BIRC7: variants seen among roughly 807,000 people sequenced by gnomAD.
BIRC7 encodes the protein baculoviral IAP repeat-containing protein 7.
BIRC7 carries 26 observed loss-of-function variants against 33.2 expected under a neutral mutation model. That is an observed-to-expected ratio of 0.78 (90% CI 0.57 to 1.09). The LOEUF (loss-of-function observed/expected upper bound fraction) is 1.09. Ranked by LOEUF, BIRC7 falls within the 50% of genes least tolerant of loss-of-function variation. The pLI, the probability that BIRC7 is intolerant of heterozygous loss-of-function variation, is 0.00. For synonymous variants in BIRC7, 176 were observed against 171.0 expected, an observed-to-expected ratio of 1.03 and a Z score of -0.23; for missense variants, 409 against 401.2, an observed-to-expected ratio of 1.02 and a Z score of -0.17.
intron 1 of BIRC7, among the ~76,000 whole-genome samples, chr20:63,237,372 T>C (rs946532828): frequency 6.6e-6 from 1 of 152,154 alleles, no homozygotes; most frequent in African/African-American, 2.4e-5. Flanking sequence ...GTGATGTCAG[T>C]GGCAGGTGAC....
chr20:63,237,779 C>G lies in BIRC7; in HGVS notation c.350-124C>G, dbSNP rs368266155. 1,185 of 746,992 alleles carry G rather than the reference C, an allele frequency of 1.6e-3. 24 individuals carry two copies. The South Asian group carries it at 0.025, about 15-fold the overall frequency. The allele number at this position is 746,992 out of a possible 1,614,324, so 46.3% of individuals were successfully genotyped here. On this transcript the variant is annotated intron_variant, in intron 1 of 6. Coordinates refer to ENST00000217169, the MANE Select transcript of BIRC7 (RefSeq NM_139317.3). ...CCCCCACCAAGCCCCCTGCCCACCCCCTCCTCCTTCTTGCCACCTGGGAGC... is the reference window on the plus strand; with the variant it reads ...CCCCCACCAAGCCCCCTGCCCACCCGCTCCTCCTTCTTGCCACCTGGGAGC...
chr20:63,238,804 TCCCCCAG>T, intron 4 of BIRC7, 190 bp downstream of exon 4: 1 of 763,662 alleles, frequency 1.3e-6, no homozygotes, highest in Non-Finnish European at 2.1e-6. Context: ...GGCAGGGGCC[TCCCCCAG>T]TGCCAGGCCC....
At chr20:63,237,829 G>T (rs1348564794) in intron 1 of BIRC7, 74 bp from the exon 2 acceptor site, 2 of 1,337,568 alleles carry the variant, frequency 1.5e-6, no homozygotes, top group Non-Finnish European at 2.0e-6. Context: ...AGCTCTCATA[G>T]CCTTGGAAGG....
chr20:63,239,861 G>A (rs146184351), intron 6 of BIRC7, among the ~76,000 whole-genome samples: 188 of 152,334 alleles, frequency 1.2e-3, no homozygotes, highest in African/African-American at 4.2e-3. Context: ...ATTAACTGAC[G>A]CCTGCTGGCT....
chr20:63,240,064 C>A (rs569419690), intron 6 of BIRC7, among the ~76,000 whole-genome samples, 192 bp from the exon 7 acceptor site: 8 of 152,328 alleles, frequency 5.3e-5, no homozygotes, highest in Admixed American at 3.9e-4. Flanking sequence ...GGTGGGATAC[C>A]CCATACTGGC....
intron 4 of BIRC7, 37 bp downstream of exon 4, chr20:63,238,651 G>A (rs762309805): frequency 1.2e-5 from 20 of 1,609,446 alleles, no homozygotes; most frequent in Admixed American, 6.7e-5. Context: ...CTCCTTGTGC[G>A]CCTGCAGCCT....
chr20:63,238,199 G>T, intron 2 of BIRC7, 197 bp downstream of exon 2: 1 of 859,120 alleles, frequency 1.2e-6, no homozygotes, highest in Non-Finnish European at 1.8e-6. Context: ...AGGGCTGCTG[G>T]GGGCAGAAAT....
chr20:63,239,822 T>C lies in BIRC7; in HGVS notation c.*5+212T>C, dbSNP rs573990649. On this transcript the variant is annotated intron_variant, in intron 6 of 6. Coordinates refer to ENST00000217169, the MANE Select transcript of BIRC7 (RefSeq NM_139317.3). ...GCCTGGTCCTTCGGGCACCGTGCCC[T>C]GGCGGCCACCATAGCTCTGCCTGCC... 1.2e-4 allele frequency among the ~76,000 whole-genome samples: 18 copies of C among 152,336 alleles called. No individual in the cohort carries two copies. In the South Asian group the frequency reaches 3.7e-3, roughly 32 times the overall value.
At chr20:63,237,864 G>T (rs1335322508) in intron 1 of BIRC7, 39 bp from the exon 2 acceptor site, 1 of 1,554,302 alleles carries the variant, frequency 6.4e-7, no homozygotes, top group Non-Finnish European at 8.7e-7. Context: ...CGGGGACTGG[G>T]TGGGACTTGG....
At chr20:63,236,846 C>G (rs1046306366) in intron 1 of BIRC7, among the ~76,000 whole-genome samples, 3 of 152,230 alleles carry the variant, frequency 2.0e-5, no homozygotes, top group East Asian at 1.9e-4. Context: ...ATCAGGGTGA[C>G]CAAGGCAGGC....
Position 63,239,549 on chromosome 20 carries a change from C to T in BIRC7, c.841C>T (p.Leu281=), listed in dbSNP as rs368399265. The T allele has an allele frequency of 6.2e-7, 1 of 1,603,512 alleles. No homozygotes were observed. The highest frequency in any genetic ancestry group is 8.5e-7 in the Non-Finnish European group (1 of 1,179,698). ...VCAECAPGLQ[L]CPICRAPVRS... ...TGCTGAGTGTGCCCCCGGCCTGCAGCTGTGCCCCATCTGCAGAGCCCCCGT... is the reference window on the plus strand; with the variant it reads ...TGCTGAGTGTGCCCCCGGCCTGCAGTTGTGCCCCATCTGCAGAGCCCCCGT... The change falls in exon 6 of 7, where the codon CTG becomes TTG. Residue 281 remains leucine, a synonymous_variant. Transcript: ENST00000217169.
intron 6 of BIRC7, 125 bp from the exon 7 acceptor site, chr20:63,240,131 C>CG (rs1262853345): frequency 1.9e-4 from 31 of 159,196 alleles, no homozygotes; most frequent in Middle Eastern, 3.3e-3. Context: ...TAGTTACCCC[C>CG]GGGATGTGTC....
In BIRC7 at chr20:63,236,288, G is replaced by C; in HGVS notation, c.192G>C (p.Glu64Asp). The C allele has an allele frequency of 6.2e-7, 1 of 1,611,368 alleles. No individual in the cohort carries two copies. The highest frequency in any genetic ancestry group is 8.5e-7 in the Non-Finnish European group (1 of 1,179,300). Residue 64 changes from glutamate (E) to aspartate (D), a missense_variant, in exon 1 of 7, where the codon GAG (glutamate) becomes GAC (aspartate). Physicochemically the swap from Glu to Asp is conservative, Grantham distance 45 (BLOSUM62 2). Coordinates refer to ENST00000217169, the MANE Select transcript of BIRC7 (RefSeq NM_139317.3). Reference sequence around the variant, plus strand: ...TGGGCCAGCTGCGGCCCCTGACAGAGGAGGAAGAGGAGGAGGGCGCCGGGG... The same window carrying C: ...TGGGCCAGCTGCGGCCCCTGACAGACGAGGAAGAGGAGGAGGGCGCCGGGG... Reference protein sequence around the residue: ...QILGQLRPLTEEEEEEGAGAT... With the variant: ...QILGQLRPLTDEEEEEGAGAT...
rs764755969 is a variant in BIRC7, at chr20:63,238,575, T to A, written c.538T>A (p.Trp180Arg). 6.2e-7 allele frequency: 1 copy of A among 1,613,066 alleles called. No homozygotes were observed. The highest frequency in any genetic ancestry group is 1.1e-5 in the South Asian group (1 of 91,080). ...HSQLLGSWDP[W>R]EEPEDAAPVA... ...GGTCTCTGGCTCCTTCCAGGACCCGTGGGAAGAACCGGAAGACGCAGCCCC... is the reference window on the plus strand; with the variant it reads ...GGTCTCTGGCTCCTTCCAGGACCCGAGGGAAGAACCGGAAGACGCAGCCCC... Residue 180 changes from tryptophan to arginine, a missense_variant, in exon 4 of 7, where the codon TGG (tryptophan) becomes AGG (arginine). Trp to Arg is a moderately radical substitution (Grantham distance 101). Transcript: ENST00000217169.
chr20:63,237,796 C>A, intron 1 of BIRC7, 107 bp from the exon 2 acceptor site: 1 of 945,886 alleles, frequency 1.1e-6, no homozygotes. Flanking sequence ...CTTCTTGCCA[C>A]CTGGGAGCTC....
Position 63,239,252 on chromosome 20 carries a change from C to G in BIRC7, c.649+19C>G, listed in dbSNP as rs2066714576. On this transcript the variant is annotated intron_variant, in intron 5 of 6. Transcript: ENST00000217169. ...GAGCCAGGTGCAGGCCCGGGACCCC[C>G]TGGGTGAGGGCTGGGGCAGGGGAGG... 6.5e-7 allele frequency: 1 copy of G among 1,546,514 alleles called. No individual in the cohort carries two copies. Among genetic ancestry groups the G allele is most frequent in the African/African-American group, 1.6e-5 (1 of 60,770 alleles).
At chr20:63,239,706 G>A (rs770402420) in intron 6 of BIRC7, 96 bp downstream of exon 6, 120 of 1,418,560 alleles carry the variant, frequency 8.5e-5, no homozygotes, top group Middle Eastern at 7.8e-4. Flanking sequence ...GGCCCTTCCC[G>A]GGTGGCAGCG....
In BIRC7 at chr20:63,238,587, G is replaced by A. The variant is rs553149604; in HGVS notation, c.550G>A (p.Glu184Lys). 1.2e-6 allele frequency: 2 copies of A among 1,613,060 alleles called. No homozygotes were observed. The highest frequency in any genetic ancestry group is 1.1e-5 in the South Asian group (1 of 91,088). Residue 184 changes from glutamate to lysine, a missense_variant, in exon 4 of 7, where the codon GAA (glutamate) becomes AAA (lysine). Physicochemically the swap from Glu to Lys is moderately conservative, Grantham distance 56. Coordinates refer to ENST00000217169, the MANE Select transcript of BIRC7 (RefSeq NM_139317.3). ...LGSWDPWEEP[E>K]DAAPVAPSVP... ...CTTCCAGGACCCGTGGGAAGAACCG[G>A]AAGACGCAGCCCCTGTGGCCCCCTC...
chr20:63,239,441 C>A lies in BIRC7; in HGVS notation c.733C>A (p.Arg245=), dbSNP rs747763479. 8.1e-6 allele frequency: 13 copies of A among 1,606,486 alleles called. No individual in the cohort carries two copies. The South Asian group carries it at 1.4e-4, about 18-fold the overall frequency. Residue 245 remains arginine (R), a synonymous_variant, in exon 6 of 7, where the codon CGG becomes AGG. Transcript: ENST00000217169. ...CAGGGATGTGGAGGCGCAGCTGCGG[C>A]GGCTGCAGGAGGAGAGGACGTGCAA... ...GARDVEAQLR[R]LQEERTCKVC... is the part of the protein sequence containing the mutation.
Sources: gnomAD v4.1 joint callset for allele counts (sites outside exome capture counted in the v4.1 genomes callset) on GRCh38, gnomAD v4.1.1 for gene constraint, MANE v1.5 for transcripts, NCBI Gene and HGNC (gene_info 2026-07-23, HGNC 2026-07-21) for gene names.